The following SLC4A7 variants were observed in gnomAD, a reference collection of about 807,000 sequenced individuals.
SLC4A7 encodes the protein sodium bicarbonate cotransporter 3.
Under a neutral mutation model 137.6 loss-of-function variants are expected in SLC4A7, and 51 were observed. The ratio of observed to expected loss-of-function variants is 0.37; its 90% CI spans 0.30 to 0.47. The LOEUF (loss-of-function observed/expected upper bound fraction) is 0.47, where lower values mean the gene tolerates loss of function less well. SLC4A7 is among the 20% of genes least tolerant of loss of function. The pLI, the probability that SLC4A7 is intolerant of heterozygous loss-of-function variation, is 1.00. For synonymous variants in SLC4A7, 542 were observed against 518.6 expected (o/e 1.05, Z -0.61); for missense variants, 1,247 against 1,525.4 (o/e 0.82, Z 3.04).
chr3:27,468,289 AATGAC>A (rs2059092832), intron 1 of SLC4A7, among the ~76,000 whole-genome samples: 1 of 152,230 alleles, frequency 6.6e-6, no homozygotes, highest in South Asian at 2.1e-4. Context: ...GCTACTAATT[AATGAC>A]ATAATCCAAA....
At chr3:27,417,564 C>A (rs757891731) in intron 11 of SLC4A7, among the ~76,000 whole-genome samples, 2 of 151,916 alleles carry the variant, frequency 1.3e-5, no homozygotes, top group Non-Finnish European at 1.5e-5. Context: ...GACCAGCCTG[C>A]ACAACAAAGT....
chr3:27,440,722 C>T (rs6551201), intron 3 of SLC4A7, among the ~76,000 whole-genome samples: 19,404 of 151,382 alleles, frequency 0.13, 1,228 homozygotes, highest in Middle Eastern at 0.19. Flanking sequence ...AGCAAGACTC[C>T]ATCTCAAAAA....
intron 10 of SLC4A7, among the ~76,000 whole-genome samples, chr3:27,418,988 TG>T (rs1220379993): frequency 6.6e-6 from 1 of 152,182 alleles, no homozygotes; most frequent in Non-Finnish European, 1.5e-5. Context: ...AAAATAATCA[TG>T]GATATGCAAA....
At chr3:27,457,095 GA>G (rs956662065) in intron 1 of SLC4A7, 149 of 199,884 alleles carry the variant, frequency 7.5e-4, no homozygotes, top group South Asian at 1.2e-3. Context: ...ACAATAGCTA[GA>G]AAAAAAAAAG....
rs1205918300 is a variant in SLC4A7 at position 27,375,018 on chromosome 3, T to G, written c.*1746A>C. On this transcript the variant is annotated 3_prime_UTR_variant, in exon 26 of 26. Coordinates refer to ENST00000454389, the MANE Select transcript of SLC4A7 (RefSeq NM_001321103.2). ...ACCAAATGATGACAGCTACATATTT[T>G]CTAAAGAAAAGCAGCTACATTTCCA... 1 of 152,220 alleles carries G rather than the reference T, an allele frequency of 6.6e-6. No homozygotes were observed. Among genetic ancestry groups the G allele is most frequent in the Non-Finnish European group, 1.5e-5 (1 of 67,884 alleles). The allele number at this position is 152,220 out of a possible 1,614,324, so 9.4% of individuals were successfully genotyped here.
Position 27,400,865 on chromosome 3 carries a change from C to T in SLC4A7, c.2326G>A (p.Val776Ile), listed in dbSNP as rs753490720. The T allele has an allele frequency of 1.2e-5, 19 of 1,543,064 alleles. No homozygotes were observed. The highest frequency in any genetic ancestry group is 1.1e-4 in the South Asian group (10 of 87,768). The stretch of plus-strand genomic sequence containing the variant: ...CTGGGGTTTGGAGGTTCAGTACATA[C>T]ACATCTGAGAAATTAGAGTAGGATA... ...NLDKLTSYSC[V>I]CTEPPNPSNE... The change falls in exon 16 of 26, where the codon GTA (valine) becomes ATA (isoleucine). Residue 776 changes from valine (V) to isoleucine (I), a missense_variant. Val to Ile is a conservative substitution (Grantham distance 29). This residue lies in a region of SLC4A7 where 499 missense variants were observed against 664.2 expected (regional missense o/e 0.75). Coordinates refer to ENST00000454389, the MANE Select transcript of SLC4A7 (RefSeq NM_001321103.2).
chr3:27,380,895 C>A (rs1359260539), intron 24 of SLC4A7, among the ~76,000 whole-genome samples: 1 of 152,178 alleles, frequency 6.6e-6, no homozygotes, highest in Admixed American at 6.5e-5. Flanking sequence ...TCCTGATAAA[C>A]CTTCTAGCTT....
At chr3:27,435,152 C>A (rs755962220) in intron 5 of SLC4A7, among the ~76,000 whole-genome samples, 4 of 152,184 alleles carry the variant, frequency 2.6e-5, no homozygotes, top group Non-Finnish European at 4.4e-5. Context: ...TCATGGTTCT[C>A]TTGAAGATTA....
chr3:27,436,309 G>A, intron 5 of SLC4A7, 79 bp downstream of exon 5: 1 of 1,078,602 alleles, frequency 9.3e-7, no homozygotes, highest in Non-Finnish European at 1.4e-6. Flanking sequence ...CAGAATAGAA[G>A]CTCAGCATAT....
intron 25 of SLC4A7, 102 bp downstream of exon 25, chr3:27,379,147 A>T: frequency 1.5e-6 from 1 of 656,010 alleles, no homozygotes; most frequent in South Asian, 1.8e-5. Context: ...CCTTATTCCA[A>T]GTATACATTA....
intron 24 of SLC4A7, among the ~76,000 whole-genome samples, chr3:27,381,662 TA>T (rs34829163): frequency 3.3e-5 from 5 of 150,812 alleles, no homozygotes; most frequent in African/African-American, 4.9e-5. Flanking sequence ...TATAAATAGC[TA>T]AAAAAAAAGA....
intron 21 of SLC4A7, 79 bp from the exon 22 acceptor site, chr3:27,390,183 A>C: frequency 1.4e-6 from 1 of 692,572 alleles, no homozygotes; most frequent in Non-Finnish European, 2.3e-6. Flanking sequence ...ACTCAACTTT[A>C]GGATTTTGTG....
chr3:27,458,023 G>A lies in SLC4A7; in HGVS notation c.61-5525C>T, dbSNP rs1051096481. On this transcript the variant is annotated intron_variant, in intron 1 of 25. Coordinates refer to ENST00000454389, the MANE Select transcript of SLC4A7 (RefSeq NM_001321103.2). ...CTTTCAGGTAAAAATGGTGTTCCAT[G>A]AAAATAACAGCTAGTTGAGTTCACA... Among the ~76,000 whole-genome samples, 3 of 152,202 alleles carry A rather than the reference G, an allele frequency of 2.0e-5. No homozygotes were observed. In the South Asian group the frequency reaches 6.2e-4, roughly 32 times the overall value.
intron 2 of SLC4A7, among the ~76,000 whole-genome samples, chr3:27,450,235 A>G (rs1159096925): frequency 6.6e-6 from 1 of 152,192 alleles, no homozygotes; most frequent in Non-Finnish European, 1.5e-5. Context: ...AGCCTAGCAC[A>G]TGGTAAGTAC....
At chr3:27,436,882 G>C (rs1448269438) in intron 4 of SLC4A7, among the ~76,000 whole-genome samples, 1 of 152,014 alleles carries the variant, frequency 6.6e-6, no homozygotes, top group African/African-American at 2.4e-5. Context: ...ATTTCTTTAT[G>C]AAAGTATAAA....
At position 27,432,457 on chromosome 3, in the gene SLC4A7, G is replaced by C. The variant is rs1003700895; in HGVS notation, c.779-788C>G. Among the ~76,000 whole-genome samples the C allele has an allele frequency of 2.0e-5, 3 of 152,156 alleles. No homozygotes were observed. The East Asian group carries it at 5.8e-4, about 29-fold the overall frequency. ...CACCAACAACAGCAATATAGCAGTAGGTCTAAAATATTTCAAAAGGTCATG... is the reference window on the plus strand; with the variant it reads ...CACCAACAACAGCAATATAGCAGTACGTCTAAAATATTTCAAAAGGTCATG... On this transcript the variant is annotated intron_variant, in intron 6 of 25. Transcript: ENST00000454389.
At chr3:27,402,903 T>C (rs77791873) in intron 15 of SLC4A7, among the ~76,000 whole-genome samples, 223 of 152,088 alleles carry the variant, frequency 1.5e-3, no homozygotes, top group African/African-American at 5.2e-3. Flanking sequence ...GACCAAAACA[T>C]ACACATGTGA....
At chr3:27,447,858 C>A (rs1052560701) in intron 3 of SLC4A7, among the ~76,000 whole-genome samples, 1 of 151,286 alleles carries the variant, frequency 6.6e-6, no homozygotes, top group Non-Finnish European at 1.5e-5. Context: ...CTTTTTTGCA[C>A]AGAAAACCAA....
chr3:27,461,619 A>AG (rs1559826833), intron 1 of SLC4A7, among the ~76,000 whole-genome samples: 1 of 151,502 alleles, frequency 6.6e-6, no homozygotes, highest in East Asian at 1.9e-4. Flanking sequence ...AAAAAAAAAA[A>AG]AAAAGAATAA....
Sources: allele counts gnomAD v4.1 joint callset (sites outside exome capture counted in the v4.1 genomes callset), GRCh38; gene constraint gnomAD v4.1.1; regional missense constraint gnomAD v4.1.1; transcripts MANE v1.5; gene names NCBI Gene and HGNC (gene_info 2026-07-23, HGNC 2026-07-21).